SACS: variants seen among roughly 807,000 people sequenced by gnomAD.
The protein encoded by SACS is sacsin.
In SACS, 197 loss-of-function variants were observed where a neutral mutation model predicts 348.0. That is an observed-to-expected ratio of 0.57 (90% CI 0.50 to 0.64). The LOEUF (loss-of-function observed/expected upper bound fraction) is 0.64, where lower values mean the gene tolerates loss of function less well. SACS is among the 30% of genes least tolerant of loss of function. The pLI is 0.00. For synonymous variants in SACS, 1,985 were observed against 1,910.6 expected, an observed-to-expected ratio of 1.04 and a Z score of -1.02; for missense variants, 4,999 against 5,360.8, an observed-to-expected ratio of 0.93 and a Z score of 2.11.
intron 2 of SACS, among the ~76,000 whole-genome samples, chr13:23,401,981 C>G (rs1159137457): frequency 6.6e-6 from 1 of 152,142 alleles, no homozygotes; most frequent in African/African-American, 2.4e-5. Flanking sequence ...AGATTGAGAC[C>G]ATCCTGGCTA....
chr13:23,430,893 G>C (rs1277411784), intron 1 of SACS, among the ~76,000 whole-genome samples: 6 of 152,238 alleles, frequency 3.9e-5, no homozygotes, highest in Non-Finnish European at 8.8e-5. Flanking sequence ...TGTCACCTTG[G>C]GTTTCACATC....
chr13:23,368,988 C>T (rs1344564401), intron 4 of SACS, among the ~76,000 whole-genome samples: 2 of 152,178 alleles, frequency 1.3e-5, no homozygotes. Flanking sequence ...CGTGAGCCAC[C>T]ATGCCTGGCC....
At position 23,355,305 on chromosome 13, in the gene SACS, G is replaced by T. The variant is rs1460902379; in HGVS notation, c.1307C>A (p.Ala436Glu). ...TGCTTTTCCTGAGAAATCAGACGTT[G>T]CTCCTTTTGCTTCATCATCTCTGCT... ...LSSRDDEAKG[A>E]TSDFSGKAFC... Residue 436 changes from alanine to glutamate, a missense_variant, in exon 8 of 10, where the codon GCA (alanine) becomes GAA (glutamate). Physicochemically the swap from Ala to Glu is moderately radical, Grantham distance 107. This residue lies in a region of SACS where 3,156 missense variants were observed against 3,380.1 expected (regional missense o/e 0.93). Transcript: ENST00000382292. 2 of 1,613,936 alleles carry T rather than the reference G, an allele frequency of 1.2e-6. No individual in the cohort carries two copies. The highest frequency in any genetic ancestry group is 2.7e-5 in the African/African-American group (2 of 74,892).
chr13:23,371,020 A>C (rs374122806), intron 4 of SACS, 58 bp downstream of exon 4: 1 of 1,164,550 alleles, frequency 8.6e-7, no homozygotes. Flanking sequence ...CAAACAAAAA[A>C]ACTCAATCTT....
At chr13:23,417,943 C>T (rs892639183) in intron 1 of SACS, among the ~76,000 whole-genome samples, 9 of 151,430 alleles carry the variant, frequency 5.9e-5, no homozygotes, top group African/African-American at 2.2e-4. Context: ...GTGGCACGCA[C>T]TTGTAGTCAC....
At chr13:23,428,299 C>T (rs1874275313) in intron 1 of SACS, 1 of 152,198 alleles carries the variant, frequency 6.6e-6, no homozygotes, top group African/African-American at 2.4e-5. Context: ...CACAGAACGC[C>T]TCCATGGGAA....
At position 23,330,231 on chromosome 13, in the gene SACS, T is replaced by G. The variant is rs1178912631; in HGVS notation, c.13645A>C (p.Asn4549His). Reference protein sequence around the residue: ...PDLLPFPQIPNDRFTSEVAMR... With the variant: ...PDLLPFPQIPHDRFTSEVAMR... ...GCAACCTCAGAAGTGAACCTGTCAT[T>G]TGGGATCTGAGGAAAGGGAAGCAAA... Residue 4549 changes from asparagine to histidine, a missense_variant, in exon 10 of 10, where the codon AAT becomes CAT. By Grantham distance (68) the Asn-to-His change is moderately conservative (BLOSUM62 1). Around this residue, in one of 6 missense-constraint regions of SACS, gnomAD observed 254 missense variants for 275.1 expected, o/e 0.92. Coordinates refer to ENST00000382292, the MANE Select transcript of SACS (RefSeq NM_014363.6). 6.2e-7 allele frequency: 1 copy of G among 1,614,130 alleles called. No homozygotes were observed. The highest frequency in any genetic ancestry group is 8.5e-7 in the Non-Finnish European group (1 of 1,179,982).
chr13:23,339,687 C>G lies in SACS; in HGVS notation c.4189G>C (p.Glu1397Gln), dbSNP rs561282342. 1.2e-6 allele frequency: 2 copies of G among 1,613,934 alleles called. No individual in the cohort carries two copies. Among genetic ancestry groups the G allele is most frequent in the Admixed American group, 1.7e-5 (1 of 60,010 alleles). Residue 1397 changes from glutamate (E) to glutamine (Q), a missense_variant, in exon 10 of 10, where the codon GAA becomes CAA. Glu to Gln is a conservative substitution (Grantham distance 29). This residue lies in a region of SACS where 3,156 missense variants were observed against 3,380.1 expected (regional missense o/e 0.93). Coordinates refer to ENST00000382292, the MANE Select transcript of SACS (RefSeq NM_014363.6). ...PSKLIMKPIHECCYCDIKVDD... is the reference protein window; with the variant it reads ...PSKLIMKPIHQCCYCDIKVDD... ...ACTTTAATGTCACAATAACAGCATT[C>G]GTGAATTGGCTTCATGATAAGTTTA...
rs1275753789 is a variant in SACS at position 23,335,952 on chromosome 13, T to C, written c.7924A>G (p.Asn2642Asp). 6.2e-7 allele frequency: 1 copy of C among 1,612,528 alleles called. No homozygotes were observed. The highest frequency in any genetic ancestry group is 8.5e-7 in the Non-Finnish European group (1 of 1,178,774). Reference sequence around the variant, plus strand: ...GGATCAAAAATACACAGGATGTCATTGCCAGAAATAAAAGATGGGCAGTCT... The same window carrying C: ...GGATCAAAAATACACAGGATGTCATCGCCAGAAATAAAAGATGGGCAGTCT... Reference protein sequence around the residue: ...ITDCPSFISGNDILCIFDPHA... With the variant: ...ITDCPSFISGDDILCIFDPHA... Residue 2642 changes from asparagine (N) to aspartate (D), a missense_variant, in exon 10 of 10, where the codon AAT becomes GAT. By Grantham distance (23) the Asn-to-Asp change is conservative. This residue lies in a region of SACS where 3,156 missense variants were observed against 3,380.1 expected (regional missense o/e 0.93). Transcript: ENST00000382292. The surrounding 1 kb of genome is among the most constrained non-coding windows in gnomAD (Gnocchi z 4.7).
chr13:23,425,681 G>A (rs1451275481), intron 1 of SACS, among the ~76,000 whole-genome samples: 7 of 152,050 alleles, frequency 4.6e-5, no homozygotes, highest in Non-Finnish European at 7.4e-5. Context: ...TGGGGAAGGC[G>A]CCATTTTTGC....
intron 3 of SACS, among the ~76,000 whole-genome samples, 181 bp downstream of exon 3, chr13:23,374,938 G>A (rs1019092617): frequency 3.3e-5 from 5 of 152,182 alleles, no homozygotes; most frequent in African/African-American, 1.2e-4. Context: ...GGTTCGGGGT[G>A]GGGGATGCAA....
intron 2 of SACS, among the ~76,000 whole-genome samples, chr13:23,398,281 C>T (rs895952950): frequency 2.0e-5 from 3 of 151,628 alleles, no homozygotes; most frequent in Non-Finnish European, 4.4e-5. Flanking sequence ...GCCTGTAATC[C>T]TAGCACTTCG....
chr13:23,336,323 A>G lies in SACS; in HGVS notation c.7553T>C (p.Leu2518Pro), dbSNP rs1184170678. 1 of 1,614,050 alleles carries G rather than the reference A, an allele frequency of 6.2e-7. No individual in the cohort carries two copies. The highest frequency in any genetic ancestry group is 1.3e-5 in the African/African-American group (1 of 75,032). The change falls in exon 10 of 10, where the codon CTT becomes CCT. Residue 2518 changes from leucine to proline, a missense_variant. Physicochemically the swap from Leu to Pro is moderately conservative, Grantham distance 98 (BLOSUM62 -3). Around this residue, in one of 6 missense-constraint regions of SACS, gnomAD observed 3,156 missense variants for 3,380.1 expected, o/e 0.93. Transcript: ENST00000382292. ...RYASNVCFTT[L>P]GTEFGQKEKL... Reference sequence around the variant, plus strand: ...TTCTTTCTGCCCAAATTCTGTGCCAAGTGTTGTAAAACAGACATTGGATGC... The same window carrying G: ...TTCTTTCTGCCCAAATTCTGTGCCAGGTGTTGTAAAACAGACATTGGATGC...
rs1460206071 is a variant in SACS, at chr13:23,354,804, T to C, written c.1808A>G (p.Lys603Arg). The part of the protein sequence containing the change: ...YLQSSGKQIA[K>R]VPGNVDAAVQ... Reference sequence around the variant, plus strand: ...AGCAGCATCCACATTCCCTGGTACCTTGGCAATCTGCTTCCCTGAGCTCTG... The same window carrying C: ...AGCAGCATCCACATTCCCTGGTACCCTGGCAATCTGCTTCCCTGAGCTCTG... The change falls in exon 8 of 10, where the codon AAG becomes AGG. Residue 603 changes from lysine to arginine, a missense_variant. This residue lies in a region of SACS where 3,156 missense variants were observed against 3,380.1 expected (regional missense o/e 0.93). Coordinates refer to ENST00000382292, the MANE Select transcript of SACS (RefSeq NM_014363.6). The C allele has an allele frequency of 6.2e-7, 1 of 1,614,256 alleles. No individual in the cohort carries two copies.
At chr13:23,413,239 A>C (rs1487732063) in intron 1 of SACS, among the ~76,000 whole-genome samples, 4 of 152,160 alleles carry the variant, frequency 2.6e-5, no homozygotes, top group Non-Finnish European at 5.9e-5. Flanking sequence ...TAGCCTCCCA[A>C]AGTGCTGGGA....
intron 9 of SACS, among the ~76,000 whole-genome samples, chr13:23,348,380 T>G (rs1869744546): frequency 6.6e-6 from 1 of 152,154 alleles, no homozygotes; most frequent in Non-Finnish European, 1.5e-5. Flanking sequence ...AAGAAAGAGA[T>G]TTGCCTTTTG....
At position 23,375,636 on chromosome 13, in the gene SACS, G is replaced by A. The variant is rs897142785; in HGVS notation, c.21-367C>T. The A allele has an allele frequency of 1.5e-4, 135 of 903,522 alleles. 1 individual carries two copies. Among genetic ancestry groups the A allele is most frequent in the Non-Finnish European group, 4.8e-5 (36 of 753,282 alleles). 56.0% of individuals were successfully genotyped at this position (903,522 alleles called of 1,614,324 possible). ...CCACCCGCCGGGACCGTTAGCTGGG[G>A]ATCCGCCCCGCCCCTCCCGCCAGGC... On this transcript the variant is annotated intron_variant, in intron 2 of 9. Coordinates refer to ENST00000382292, the MANE Select transcript of SACS (RefSeq NM_014363.6).
rs973138623 is a variant in SACS at position 23,391,908 on chromosome 13, G to A, written c.21-16639C>T. 2.0e-5 allele frequency among the ~76,000 whole-genome samples: 3 copies of A among 152,182 alleles called. 1 individual carries two copies. Among genetic ancestry groups the A allele is most frequent in the South Asian group, 4.1e-4 (2 of 4,828 alleles). On this transcript the variant is annotated intron_variant, in intron 2 of 9. Transcript: ENST00000382292. Reference sequence around the variant, plus strand: ...TCCCTGAGTTCCTTCATGTGCACATGGAACATGGATCCCTTACCCTTCAGA... The same window carrying A: ...TCCCTGAGTTCCTTCATGTGCACATAGAACATGGATCCCTTACCCTTCAGA...
At chr13:23,433,382 C>T (rs1874515566) in intron 1 of SACS, among the ~76,000 whole-genome samples, 2 of 152,174 alleles carry the variant, frequency 1.3e-5, no homozygotes, top group East Asian at 3.8e-4. Context: ...TTCAGAAGAG[C>T]TCATTACTCA....
Sources: allele counts gnomAD v4.1 joint callset (sites outside exome capture counted in the v4.1 genomes callset), GRCh38; gene constraint gnomAD v4.1.1; regional missense constraint gnomAD v4.1.1; non-coding constraint Gnocchi (gnomAD v3.1); transcripts MANE v1.5; gene names NCBI Gene and HGNC (gene_info 2026-07-23, HGNC 2026-07-21).